The following TSC22D1 variants were observed in gnomAD, a reference collection of about 807,000 sequenced individuals.
TSC22D1 encodes TSC22 domain family protein 1.
A neutral mutation model predicts 74.2 loss-of-function variants in TSC22D1; 9 were observed. The observed-to-expected ratio is 0.12, with a 90% CI of 0.07 to 0.21. TSC22D1 has a LOEUF of 0.21. TSC22D1 is among the 10% of genes least tolerant of loss of function. The pLI, the probability that TSC22D1 is intolerant of heterozygous loss-of-function variation, is 1.00. For missense variants in TSC22D1, 1,427 were observed against 1,304.7 expected (o/e 1.09, Z -1.44); for synonymous variants, 586 against 492.5 (o/e 1.19, Z -2.51).
rs1463508521 is a variant in TSC22D1, at chr13:44,436,257, TACTA to T, written c.2913-166_2913-163del. The T allele has an allele frequency of 4.4e-6, 4 of 905,814 alleles. No individual in the cohort carries two copies. In the African/African-American group the frequency reaches 5.1e-5, roughly 12 times the overall value. The allele number at this position is 905,814 out of a possible 1,614,324, so 56.1% of individuals were successfully genotyped here. A position where few individuals can be genotyped will look rare whatever the true frequency, so the allele number is the denominator to read the frequency against. ...CTCCAGAAAATGCCAGCCCCTCTCT[TACTA>T]ACGAATATCCAGGCATCTCCCTATT... On this transcript the variant is annotated intron_variant, in intron 1 of 2. Coordinates refer to ENST00000458659, the MANE Select transcript of TSC22D1 (RefSeq NM_183422.4).
In TSC22D1 at chr13:44,575,114, C is replaced by G. The variant is rs1264106947; in HGVS notation, c.961G>C (p.Val321Leu). ...GTCACATTAGGATTAAAACTACCCACAGCAGTAATGTTAACATTATTTACT... is the reference window on the plus strand; with the variant it reads ...GTCACATTAGGATTAAAACTACCCAGAGCAGTAATGTTAACATTATTTACT... ...STVNNVNITA[V>L]GSFNPNVTSS... The change falls in exon 1 of 3, where the codon GTG (valine) becomes CTG (leucine). Residue 321 changes from valine to leucine, a missense_variant. This residue lies in a region of TSC22D1 where 1,343 missense variants were observed against 1,191.5 expected (regional missense o/e 1.13). Transcript: ENST00000458659. 6 of 1,614,210 alleles carry G rather than the reference C, an allele frequency of 3.7e-6. No individual in the cohort carries two copies. Among genetic ancestry groups the G allele is most frequent in the Non-Finnish European group, 5.1e-6 (6 of 1,180,050 alleles).
intron 1 of TSC22D1, among the ~76,000 whole-genome samples, chr13:44,506,769 G>T (rs1358148490): frequency 1.3e-5 from 2 of 152,204 alleles, no homozygotes; most frequent in African/African-American, 4.8e-5. Flanking sequence ...TGGACACTGG[G>T]TGACCAGTAA....
chr13:44,440,209 C>G (rs973225895), intron 1 of TSC22D1, among the ~76,000 whole-genome samples: 1 of 152,240 alleles, frequency 6.6e-6, no homozygotes, highest in African/African-American at 2.4e-5. Flanking sequence ...AAAGAAATGG[C>G]TGTTAAATTC....
chr13:44,525,414 C>T (rs1880501299), intron 1 of TSC22D1, among the ~76,000 whole-genome samples: 1 of 151,996 alleles, frequency 6.6e-6, no homozygotes, highest in Admixed American at 6.5e-5. Context: ...AGTGAGCCCC[C>T]ACCTCTACAA....
intron 1 of TSC22D1, among the ~76,000 whole-genome samples, chr13:44,519,584 A>C (rs1311686088): frequency 6.6e-6 from 1 of 152,312 alleles, no homozygotes; most frequent in East Asian, 1.9e-4. Flanking sequence ...CTGGAAAGGT[A>C]AATGGCGACT....
In TSC22D1 at chr13:44,434,556, T is replaced by C; in HGVS notation, c.*70A>G. 6.8e-7 allele frequency: 1 copy of C among 1,479,384 alleles called. No individual in the cohort carries two copies. Among genetic ancestry groups the C allele is most frequent in the Non-Finnish European group, 8.9e-7 (1 of 1,117,936 alleles). 91.6% of individuals were successfully genotyped at this position (1,479,384 alleles called of 1,614,324 possible). The stretch of plus-strand genomic sequence containing the variant: ...TGAAATGGGTGACTGTGGAGGCAGA[T>C]TCTCCCTAGCACATCTTCTCCGTCT... On this transcript the variant is annotated 3_prime_UTR_variant, in exon 3 of 3. Coordinates refer to ENST00000458659, the MANE Select transcript of TSC22D1 (RefSeq NM_183422.4).
At chr13:44,445,232 C>T (rs1595081912) in intron 1 of TSC22D1, among the ~76,000 whole-genome samples, 1 of 41,750 alleles carries the variant, frequency 2.4e-5, no homozygotes, top group Non-Finnish European at 5.4e-5. Flanking sequence ...CACACACACA[C>T]ACACACACAC....
At chr13:44,455,713 T>G (rs1391682078) in intron 1 of TSC22D1, among the ~76,000 whole-genome samples, 1 of 152,208 alleles carries the variant, frequency 6.6e-6, no homozygotes, top group Non-Finnish European at 1.5e-5. Context: ...CCATGAGAAT[T>G]AATCGCATAG....
intron 1 of TSC22D1, among the ~76,000 whole-genome samples, chr13:44,455,102 T>C (rs887472013): frequency 4.6e-5 from 7 of 152,156 alleles, no homozygotes; most frequent in Middle Eastern, 3.4e-3. Flanking sequence ...ATACAGTATG[T>C]GAGATAAGGA....
At chr13:44,546,770 G>GTC (rs1413436157) in intron 1 of TSC22D1, among the ~76,000 whole-genome samples, 103 of 151,794 alleles carry the variant, frequency 6.8e-4, no homozygotes, top group African/African-American at 2.4e-3. Flanking sequence ...GTGTGTGTGT[G>GTC]TGTGTAGGTA....
intron 1 of TSC22D1, among the ~76,000 whole-genome samples, chr13:44,567,497 T>C (rs1883454789): frequency 6.8e-6 from 1 of 146,532 alleles, no homozygotes; most frequent in Non-Finnish European, 1.5e-5. Context: ...AAACACCACA[T>C]AGAAAGAAAA....
intron 1 of TSC22D1, among the ~76,000 whole-genome samples, chr13:44,557,019 T>C (rs1032371712): frequency 6.6e-6 from 1 of 151,866 alleles, no homozygotes. Context: ...GGTGCATGCC[T>C]GTAATCCCAG....
At chr13:44,435,737 C>T (rs908580893) in intron 2 of TSC22D1, 1 of 440,558 alleles carries the variant, frequency 2.3e-6, no homozygotes, top group Non-Finnish European at 4.2e-6. Context: ...TCACGACCAG[C>T]CGAAGGAGAT....
chr13:44,551,397 T>G (rs541516070), intron 1 of TSC22D1, among the ~76,000 whole-genome samples: 77 of 137,412 alleles, frequency 5.6e-4, no homozygotes, highest in South Asian at 9.6e-4. Context: ...TGGGTGTGTG[T>G]GTGTGTGTGT....
rs1402700270 is a variant in TSC22D1, at chr13:44,575,091, C to A, written c.984G>T (p.Val328=). ...TAACATTACCAAGCATGCTGCTTGT[C>A]ACATTAGGATTAAAACTACCCACAG... ...ITAVGSFNPN[V]TSSMLGNVNI... is the part of the protein sequence containing the mutation. The change falls in exon 1 of 3, where the codon GTG becomes GTT. Residue 328 remains valine, a synonymous_variant. Coordinates refer to ENST00000458659, the MANE Select transcript of TSC22D1 (RefSeq NM_183422.4). The A allele has an allele frequency of 1.9e-6, 3 of 1,614,164 alleles. No homozygotes were observed. The highest frequency in any genetic ancestry group is 1.1e-5 in the South Asian group (1 of 91,064).
chr13:44,446,841 A>G lies in TSC22D1; in HGVS notation c.2913-10746T>C, dbSNP rs1296569742. Among the ~76,000 whole-genome samples, 360 of 125,992 alleles carry G rather than the reference A, an allele frequency of 2.9e-3. 3 individuals carry two copies. The highest frequency in any genetic ancestry group is 2.0e-3 in the Non-Finnish European group (121 of 59,986). The allele number at this position is 125,992 out of a possible 152,430, so 82.7% of individuals were successfully genotyped here. ...AGGAGGAGGAAGAAGAGGAGGAGGA[A>G]GAAGAAGAAGAGGAAAAGAAGAAGA... On this transcript the variant is annotated intron_variant, in intron 1 of 2. Transcript: ENST00000458659.
intron 1 of TSC22D1, among the ~76,000 whole-genome samples, chr13:44,548,653 G>C (rs886841728): frequency 2.0e-5 from 3 of 151,988 alleles, no homozygotes; most frequent in Non-Finnish European, 4.4e-5. Context: ...ATAAAGCGTA[G>C]CAAAATTTAA....
At chr13:44,552,781 G>A (rs1882371398) in intron 1 of TSC22D1, among the ~76,000 whole-genome samples, 1 of 152,218 alleles carries the variant, frequency 6.6e-6, no homozygotes, top group Non-Finnish European at 1.5e-5. Flanking sequence ...AAGGTTAGGA[G>A]ATCGAGACCA....
chr13:44,453,215 T>TA (rs1305467657), intron 1 of TSC22D1, among the ~76,000 whole-genome samples: 1 of 152,234 alleles, frequency 6.6e-6, no homozygotes, highest in Non-Finnish European at 1.5e-5. Flanking sequence ...TCTGTTAAGC[T>TA]AATACAACCA....
Sources: gnomAD v4.1 joint callset for allele counts (sites outside exome capture counted in the v4.1 genomes callset) on GRCh38, gnomAD v4.1.1 for gene constraint, gnomAD v4.1.1 regional missense constraint, MANE v1.5 for transcripts, NCBI Gene and HGNC (gene_info 2026-07-23, HGNC 2026-07-21) for gene names.